Variants in CDK11B observed in about 807,000 individuals in gnomAD.
The protein encoded by CDK11B is cyclin-dependent kinase 11B.
A neutral mutation model predicts 84.0 loss-of-function variants in CDK11B; 37 were observed. The ratio of observed to expected loss-of-function variants is 0.44; its 90% CI spans 0.34 to 0.58. The LOEUF is 0.58. Ranked by LOEUF, CDK11B falls within the 20% of genes least tolerant of loss-of-function variation. The pLI, the probability that CDK11B is intolerant of heterozygous loss-of-function variation, is 0.02. For missense variants in CDK11B, 427 were observed against 834.0 expected (o/e 0.51, Z 6.01); for synonymous variants, 269 against 309.8 (o/e 0.87, Z 1.38).
intron 4 of CDK11B, 114 bp from the exon 5 acceptor site, chr1:1,649,751 G>T: frequency 1.0e-6 from 1 of 960,996 alleles, no homozygotes; most frequent in Non-Finnish European, 1.6e-6. Context: ...GAGGCGGGCG[G>T]ATCACCTGAG....
At chr1:1,637,382 G>A in intron 14 of CDK11B, 26 bp downstream of exon 14, 1 of 1,608,792 alleles carries the variant, frequency 6.2e-7, no homozygotes, top group Non-Finnish European at 8.5e-7. Flanking sequence ...CTTGTACGCA[G>A]ACAGGCCCCT....
At chr1:1,655,651 T>C (rs200159504) in intron 2 of CDK11B, among the ~76,000 whole-genome samples, 167 bp from the exon 3 acceptor site, 5 of 152,068 alleles carry the variant, frequency 3.3e-5, no homozygotes, top group Non-Finnish European at 7.4e-5. Flanking sequence ...TGGCCGGGTG[T>C]GGTGGCTCAC....
At chr1:1,649,761 G>C in intron 4 of CDK11B, 124 bp from the exon 5 acceptor site, 1 of 845,638 alleles carries the variant, frequency 1.2e-6, no homozygotes, top group East Asian at 2.7e-5. Context: ...GATCACCTGA[G>C]GTCAGGAGTT....
At position 1,638,492 on chromosome 1, in the gene CDK11B, C is replaced by A. The variant is rs980068694; in HGVS notation, c.1342+8G>T. 9.8e-7 allele frequency: 1 copy of A among 1,022,628 alleles called. No homozygotes were observed. Among genetic ancestry groups the A allele is most frequent in the African/African-American group, 1.5e-5 (1 of 65,342 alleles). 63.3% of individuals were successfully genotyped at this position (1,022,628 alleles called of 1,614,324 possible). A position where few individuals can be genotyped will look rare whatever the true frequency, so the allele number is the denominator to read the frequency against. On this transcript the variant is annotated splice_region_variant and intron_variant, in intron 12 of 19. Transcript: ENST00000341832. The stretch of plus-strand genomic sequence containing the variant: ...CCTGCCTTTGTGGGGTGAGGGGACC[C>A]CACCCACCTGTTTTCTTGTCTTTTG...
chr1:1,658,155 G>A (rs1643028587), intron 1 of CDK11B, among the ~76,000 whole-genome samples: 1 of 136,656 alleles, frequency 7.3e-6, no homozygotes, highest in Non-Finnish European at 1.6e-5. Flanking sequence ...GCAAGACCCC[G>A]TCTCAAAAAA....
chr1:1,636,823 G>C (rs1289238089), intron 16 of CDK11B, 25 bp from the exon 17 acceptor site: 2 of 1,613,620 alleles, frequency 1.2e-6, no homozygotes, highest in African/African-American at 2.7e-5. Flanking sequence ...GAGGTGTTCA[G>C]GAGGGCCAGT....
chr1:1,645,318 T>G (rs372149885), intron 5 of CDK11B, 56 bp from the exon 6 acceptor site: 1 of 1,611,128 alleles, frequency 6.2e-7, no homozygotes, highest in African/African-American at 1.4e-5. Flanking sequence ...ATCGCGTTTT[T>G]GTCCACATTT....
At chr1:1,649,102 T>G (rs985850364) in intron 5 of CDK11B, among the ~76,000 whole-genome samples, 14 of 150,720 alleles carry the variant, frequency 9.3e-5, no homozygotes, top group African/African-American at 2.7e-4. Context: ...CAAATGTGAC[T>G]TCTTCTTTTT....
Position 1,636,886 on chromosome 1 carries a change from C to T in CDK11B, c.1800+11G>A, listed in dbSNP as rs1269316095. The stretch of plus-strand genomic sequence containing the variant: ...GGGGACAGGGGAGGCACTCAGACGC[C>T]CAGGACTCACCTTGGCACCAAGCAG... On this transcript the variant is annotated intron_variant, in intron 16 of 19. Coordinates refer to ENST00000341832, the MANE Select transcript of CDK11B (RefSeq NM_033486.3). 5.0e-6 allele frequency: 8 copies of T among 1,608,130 alleles called. No homozygotes were observed. The highest frequency in any genetic ancestry group is 6.8e-6 in the Non-Finnish European group (8 of 1,176,460).
intron 6 of CDK11B, among the ~76,000 whole-genome samples, chr1:1,643,864 G>C (rs1480427017): frequency 1.4e-5 from 2 of 144,178 alleles, no homozygotes; most frequent in Non-Finnish European, 3.0e-5. Flanking sequence ...CGGCCTCGGG[G>C]ACCCCAACAG....
intron 2 of CDK11B, among the ~76,000 whole-genome samples, chr1:1,655,934 A>G (rs180679259): frequency 1.1e-4 from 17 of 152,308 alleles, no homozygotes; most frequent in African/African-American, 4.1e-4. Context: ...TTATCACATT[A>G]AAATTACAAC....
At chr1:1,650,460 T>C (rs1163717051) in intron 4 of CDK11B, among the ~76,000 whole-genome samples, 2 of 147,326 alleles carry the variant, frequency 1.4e-5, no homozygotes, top group Non-Finnish European at 3.0e-5. Context: ...CCGCCTCCCG[T>C]GTTCACACCA....
intron 3 of CDK11B, chr1:1,654,188 T>G (rs3936009): frequency 0.31 from 143,342 of 459,992 alleles, 24,080 homozygotes; most frequent in African/African-American, 0.5. Context: ...CCTGATGACG[T>G]ATACGAGCTA....
Position 1,636,682 on chromosome 1 carries a change from C to T in CDK11B, c.1917G>A (p.Lys639=). Residue 639 remains lysine (K), a splice_region_variant and synonymous_variant, in exon 17 of 20, where the codon AAG becomes AAA. Transcript: ENST00000341832. ...SEIDQINKVF[K]DLGTPSEKIW... is the part of the protein sequence containing the mutation. Reference sequence around the variant, plus strand: ...GCACCTGCAGCAGGGCCAGACCCACCTTGAACACCTTGTTGATCTGATCGA... The same window carrying T: ...GCACCTGCAGCAGGGCCAGACCCACTTTGAACACCTTGTTGATCTGATCGA... The T allele has an allele frequency of 6.2e-7, 1 of 1,613,986 alleles. No homozygotes were observed. The highest frequency in any genetic ancestry group is 8.5e-7 in the Non-Finnish European group (1 of 1,179,854).
chr1:1,638,870 G>A (rs1639803357), intron 11 of CDK11B, among the ~76,000 whole-genome samples: 2 of 151,780 alleles, frequency 1.3e-5, no homozygotes, highest in Non-Finnish European at 2.9e-5. Flanking sequence ...GGAGGGCAAG[G>A]CAGGAGGACT....
chr1:1,636,343 G>C lies in CDK11B; in HGVS notation c.2056C>G (p.Leu686Val), dbSNP rs754220811. ...CTGCACTGGGCTCACTTGTTCATGA[G>C]GTCGAAGCCCTGGTCTGAGAGCAGA... ...GALLSDQGFD[L>V]MNKFLTYFPG... Residue 686 changes from leucine to valine, a missense_variant, in exon 18 of 20, where the codon CTC becomes GTC. Transcript: ENST00000341832. 4.4e-6 allele frequency: 7 copies of C among 1,573,244 alleles called. No homozygotes were observed. Among genetic ancestry groups the C allele is most frequent in the Non-Finnish European group, 6.0e-6 (7 of 1,159,568 alleles).
In CDK11B at chr1:1,639,635, G is replaced by A. The variant is rs532779056; in HGVS notation, c.1251+642C>T. Among the ~76,000 whole-genome samples, 6 of 151,980 alleles carry A rather than the reference G, an allele frequency of 3.9e-5. No homozygotes were observed. The East Asian group carries it at 5.8e-4, about 15-fold the overall frequency. On this transcript the variant is annotated intron_variant, in intron 11 of 19. Coordinates refer to ENST00000341832, the MANE Select transcript of CDK11B (RefSeq NM_033486.3). ...CGCCTACGCTCAGCAGCACTAAGGG[G>A]CAGAGGCGCTCACAAGGCATAGGGC...
chr1:1,647,154 T>G (rs1386666505), intron 5 of CDK11B, among the ~76,000 whole-genome samples: 3 of 152,232 alleles, frequency 2.0e-5, no homozygotes, highest in Admixed American at 6.5e-5. Context: ...TTTTTCTTGT[T>G]TTTTTCTCTC....
rs1490113480 is a variant in CDK11B at position 1,651,833 on chromosome 1, G to T, written c.355+606C>A. Reference sequence around the variant, plus strand: ...CTCTGGTTTTTGGTCTGTGACACACGCATGCTTTTAGCTAGAGTTTGCTCT... The same window carrying T: ...CTCTGGTTTTTGGTCTGTGACACACTCATGCTTTTAGCTAGAGTTTGCTCT... On this transcript the variant is annotated intron_variant, in intron 4 of 19. Transcript: ENST00000341832. 3.3e-3 allele frequency among the ~76,000 whole-genome samples: 494 copies of T among 151,664 alleles called. 2 individuals are homozygous for T. Among genetic ancestry groups the T allele is most frequent in the African/African-American group, 0.011 (473 of 41,286 alleles).
Sources: allele counts gnomAD v4.1 joint callset (sites outside exome capture counted in the v4.1 genomes callset), GRCh38; gene constraint gnomAD v4.1.1; transcripts MANE v1.5; gene names NCBI Gene and HGNC (gene_info 2026-07-23, HGNC 2026-07-21).